The following TESMIN variants were observed in gnomAD, a reference collection of about 807,000 sequenced individuals.
TESMIN encodes CXC domain containing 2.
Under a neutral mutation model 47.4 loss-of-function variants are expected in TESMIN, and 34 were observed. The ratio of observed to expected loss-of-function variants is 0.72; its 90% CI spans 0.55 to 0.96. The LOEUF (loss-of-function observed/expected upper bound fraction) is 0.96. Ranked by LOEUF, TESMIN falls within the 40% of genes least tolerant of loss-of-function variation. TESMIN has a pLI of 0.00. For synonymous variants in TESMIN, 278 were observed against 258.9 expected (o/e 1.07, Z -0.71); for missense variants, 610 against 637.2 (o/e 0.96, Z 0.46).
At position 68,737,951 on chromosome 11, in the gene TESMIN, AAAC is replaced by A; in HGVS notation, c.917+746_917+748del. 3 of 978,362 alleles carry A rather than the reference AAAC, an allele frequency of 3.1e-6. No homozygotes were observed. The South Asian group carries it at 1.4e-4, about 46-fold the overall frequency. The allele number at this position is 978,362 out of a possible 1,614,324, so 60.6% of individuals were successfully genotyped here. A position where few individuals can be genotyped will look rare whatever the true frequency, so the allele number is the denominator to read the frequency against. ...AAACAAACAAACAAAAAACAAGAAA[AAAC>A]AAACAAACAAACAAACACCTCTTGG... On this transcript the variant is annotated intron_variant, in intron 6 of 9. Transcript: ENST00000255087.
intron 5 of TESMIN, among the ~76,000 whole-genome samples, chr11:68,740,795 AC>A (rs1946446802): frequency 6.6e-6 from 1 of 152,090 alleles, no homozygotes; most frequent in Non-Finnish European, 1.5e-5. Context: ...CCATCTATAC[AC>A]TAGGACTCCC....
At chr11:68,739,952 T>A (rs561826936) in intron 5 of TESMIN, among the ~76,000 whole-genome samples, 1 of 152,246 alleles carries the variant, frequency 6.6e-6, no homozygotes, top group South Asian at 2.1e-4. Context: ...ATTACTTTTT[T>A]TCCCCCTTTG....
At chr11:68,705,063 CTGTCG>C (rs1330865205), downstream of TESMIN, among the ~76,000 whole-genome samples, 1 of 152,232 alleles carries the variant, frequency 6.6e-6, no homozygotes, top group African/African-American at 2.4e-5. Context: ...GTGATCCCTC[CTGTCG>C]TGCTTCCTCC....
At chr11:68,738,981 C>CG (rs1452608540) in intron 5 of TESMIN, among the ~76,000 whole-genome samples, 193 bp from the exon 6 acceptor site, 2 of 80 alleles carry the variant, frequency 0.025, no homozygotes, top group East Asian at 0.33. Flanking sequence ...AGGTGTGTCA[C>CG]AGCCTGTCTG....
At chr11:68,716,866 C>T (rs969163042) in intron 6 of TESMIN, among the ~76,000 whole-genome samples, 1 of 152,220 alleles carries the variant, frequency 6.6e-6, no homozygotes, top group Non-Finnish European at 1.5e-5. Context: ...CCACCTGTGA[C>T]CAGAGAAGAC....
intron 4 of TESMIN, among the ~76,000 whole-genome samples, chr11:68,743,538 G>A (rs899512644): frequency 3.9e-5 from 6 of 151,984 alleles, no homozygotes; most frequent in Non-Finnish European, 8.8e-5. Flanking sequence ...CGTGAGCCAC[G>A]GCAGCCAGCA....
chr11:68,709,031 G>A (rs1179840595), intron 9 of TESMIN, among the ~76,000 whole-genome samples: 4 of 150,618 alleles, frequency 2.7e-5, no homozygotes, highest in East Asian at 2.0e-4. Context: ...GATTACAGGC[G>A]TGAGCCACCA....
intron 3 of TESMIN, 131 bp from the exon 4 acceptor site, chr11:68,745,242 T>C: frequency 1.2e-6 from 1 of 828,640 alleles, no homozygotes; most frequent in Non-Finnish European, 1.8e-6. Flanking sequence ...TAGAAAACTA[T>C]AGATCTGTTT....
chr11:68,720,010 G>C (rs2153991102), intron 6 of TESMIN, among the ~76,000 whole-genome samples: 1 of 152,196 alleles, frequency 6.6e-6, no homozygotes, highest in South Asian at 2.1e-4. Flanking sequence ...AAAAACCAAA[G>C]ACAAAAAGAA....
intron 7 of TESMIN, 21 bp downstream of exon 7, chr11:68,715,816 C>T: frequency 6.7e-7 from 1 of 1,490,454 alleles, no homozygotes; most frequent in South Asian, 1.1e-5. Flanking sequence ...AAAATGCATA[C>T]ATTTAATGGA....
At chr11:68,748,779 T>C (rs1237387504) in intron 2 of TESMIN, among the ~76,000 whole-genome samples, 2 of 152,202 alleles carry the variant, frequency 1.3e-5, no homozygotes, top group Non-Finnish European at 2.9e-5. Flanking sequence ...CAGCAATCTC[T>C]TAAAATTGGA....
rs2153990443 is a variant in TESMIN, at chr11:68,708,120, G to A, written c.*188C>T. 1 of 593,666 alleles carries A rather than the reference G, an allele frequency of 1.7e-6. No individual in the cohort carries two copies. Among genetic ancestry groups the A allele is most frequent in the Non-Finnish European group, 3.0e-6 (1 of 336,800 alleles). 36.8% of individuals were successfully genotyped at this position (593,666 alleles called of 1,614,324 possible). On this transcript the variant is annotated 3_prime_UTR_variant, in exon 10 of 10. Coordinates refer to ENST00000255087, the MANE Select transcript of TESMIN (RefSeq NM_004923.3). ...GCCAGACAAACAATGCTCAGGCCAT[G>A]CACCTCCTCAGAAAAGGGGGCATGG...
At position 68,708,113 on chromosome 11, in the gene TESMIN, A is replaced by C; in HGVS notation, c.*195T>G. 1 of 581,440 alleles carries C rather than the reference A, an allele frequency of 1.7e-6. No homozygotes were observed. Among genetic ancestry groups the C allele is most frequent in the South Asian group, 2.1e-5 (1 of 47,190 alleles). The allele number at this position is 581,440 out of a possible 1,614,324, so 36.0% of individuals were successfully genotyped here. ...CCTCTGGGCCAGACAAACAATGCTC[A>C]GGCCATGCACCTCCTCAGAAAAGGG... On this transcript the variant is annotated 3_prime_UTR_variant, in exon 10 of 10. Transcript: ENST00000255087.
chr11:68,742,184 A>T, intron 5 of TESMIN, 134 bp downstream of exon 5: 1 of 615,824 alleles, frequency 1.6e-6, no homozygotes, highest in African/African-American at 1.8e-5. Flanking sequence ...GGGACTGAAC[A>T]CTTGGTAAGT....
downstream of TESMIN, among the ~76,000 whole-genome samples, chr11:68,706,991 C>G (rs1277479604): frequency 1.3e-5 from 2 of 152,176 alleles, no homozygotes; most frequent in Non-Finnish European, 2.9e-5. Context: ...CCCTGTTCGC[C>G]GCGATGCTGA....
chr11:68,734,840 G>A (rs528079500), intron 6 of TESMIN, among the ~76,000 whole-genome samples: 1 of 152,196 alleles, frequency 6.6e-6, no homozygotes, highest in Non-Finnish European at 1.5e-5. Context: ...CCGAGCGCCC[G>A]CACGCTCAGC....
chr11:68,751,196 G>T (rs2153993894), intron 1 of TESMIN, among the ~76,000 whole-genome samples: 1 of 132,752 alleles, frequency 7.5e-6, no homozygotes, highest in Admixed American at 7.3e-5. Context: ...GCGCCCAGGG[G>T]AGGGGGCCAG....
chr11:68,731,556 G>A (rs1946327413), intron 6 of TESMIN, among the ~76,000 whole-genome samples: 2 of 152,156 alleles, frequency 1.3e-5, no homozygotes, highest in South Asian at 4.1e-4. Flanking sequence ...ACTAACTCAC[G>A]CTAAGAAAAT....
chr11:68,746,077 G>A (rs1946516724), intron 3 of TESMIN, among the ~76,000 whole-genome samples: 1 of 152,134 alleles, frequency 6.6e-6, no homozygotes, highest in Admixed American at 6.5e-5. Context: ...ATGGTCATTG[G>A]ATCAATATTC....
Sources: gnomAD v4.1 joint callset for allele counts (sites outside exome capture counted in the v4.1 genomes callset) on GRCh38, gnomAD v4.1.1 for gene constraint, MANE v1.5 for transcripts, NCBI Gene and HGNC (gene_info 2026-07-23, HGNC 2026-07-21) for gene names.